Variants in PCDH15 observed in about 807,000 individuals in gnomAD.
The protein encoded by PCDH15 is protocadherin related 15, also known as protocadherin-15.
A neutral mutation model predicts 178.5 loss-of-function variants in PCDH15; 129 were observed. The ratio of observed to expected loss-of-function variants is 0.72; its 90% CI spans 0.63 to 0.84. The LOEUF (loss-of-function observed/expected upper bound fraction) is 0.84. PCDH15 is among the 40% of genes least tolerant of loss of function. PCDH15 has a pLI of 0.00. For synonymous variants in PCDH15, 800 were observed against 732.0 expected (o/e 1.09, Z -1.50); for missense variants, 2,230 against 2,099.9 (o/e 1.06, Z -1.21).
At chr10:54,412,592 T>C (rs1358916750) in intron 3 of PCDH15, among the ~76,000 whole-genome samples, 1 of 152,176 alleles carries the variant, frequency 6.6e-6, no homozygotes, top group East Asian at 1.9e-4. Context: ...TAACTTCTAT[T>C]GTCCTCAAAC....
chr10:55,350,902 T>C (rs1844910685), intron 2 of PCDH15, among the ~76,000 whole-genome samples: 1 of 152,128 alleles, frequency 6.6e-6, no homozygotes, highest in African/African-American at 2.4e-5. Context: ...TCATAACATA[T>C]CTGATTTAAT....
rs187701560 is a variant in PCDH15, at chr10:55,462,902, T to G, written c.-156+164723A>C. On this transcript the variant is annotated intron_variant, in intron 2 of 5. Transcript: ENST00000613346. ...ATTTTCCCCCAGTAGAAGCTTGTTT[T>G]TAATAAAGAAGAATTTTGAAGTGGC... Among the ~76,000 whole-genome samples the G allele has an allele frequency of 7.9e-5, 12 of 152,190 alleles. No individual in the cohort carries two copies. In the East Asian group the frequency reaches 2.3e-3, roughly 29 times the overall value.
chr10:55,434,035 A>G lies in PCDH15; in HGVS notation c.-156+193590T>C, dbSNP rs73259669. Among the ~76,000 whole-genome samples the G allele has an allele frequency of 9.6e-4, 145 of 151,284 alleles. 1 individual carries two copies. The highest frequency in any genetic ancestry group is 3.3e-3 in the African/African-American group (135 of 41,258). ...ATTATTTACTGAAGTTTGATAAATC[A>G]TAACATAAGGAAAACAAATTCTCCG... is the stretch of plus-strand genomic sequence containing the variant. On this transcript the variant is annotated intron_variant, in intron 2 of 5. Coordinates refer to the PCDH15 transcript ENST00000613346.
intron 2 of PCDH15, among the ~76,000 whole-genome samples, chr10:55,038,150 A>G (rs1427230329): frequency 6.6e-6 from 1 of 152,218 alleles, no homozygotes; most frequent in Non-Finnish European, 1.5e-5. Context: ...CAACACATAT[A>G]TGTACCATAT....
At chr10:54,566,070 G>A (rs928609036) in intron 2 of PCDH15, among the ~76,000 whole-genome samples, 1 of 152,110 alleles carries the variant, frequency 6.6e-6, no homozygotes, top group Non-Finnish European at 1.5e-5. Context: ...GGCAACAAGA[G>A]TGAAATTTCA....
At position 55,067,575 on chromosome 10, in the gene PCDH15, T is replaced by C. The variant is rs149491616; in HGVS notation, c.-80+99001A>G. On this transcript the variant is annotated intron_variant, in intron 2 of 5. Coordinates refer to the PCDH15 transcript ENST00000458638. ...GGTTTCTCTTTGGTATATTGATTTA[T>C]TTTTCTTTGAATAAATACCCAAATA... Among the ~76,000 whole-genome samples, 9 of 152,100 alleles carry C rather than the reference T, an allele frequency of 5.9e-5. No individual in the cohort carries two copies. In the East Asian group the frequency reaches 1.5e-3, roughly 26 times the overall value.
At chr10:55,251,244 G>A (rs541726940) in intron 1 of PCDH15, among the ~76,000 whole-genome samples, 1 of 151,824 alleles carries the variant, frequency 6.6e-6, no homozygotes, top group Non-Finnish European at 1.5e-5. Context: ...TATCATATAT[G>A]TAGATACATG....
intron 8 of PCDH15, among the ~76,000 whole-genome samples, chr10:54,253,267 C>G (rs149604594): frequency 6.6e-6 from 1 of 151,826 alleles, no homozygotes; most frequent in South Asian, 2.1e-4. Context: ...TCAATATAGG[C>G]GAGAATATTA....
intron 2 of PCDH15, among the ~76,000 whole-genome samples, chr10:54,972,363 A>C (rs889819157): frequency 6.6e-6 from 1 of 151,606 alleles, no homozygotes; most frequent in Admixed American, 6.6e-5. Context: ...AACAGGGTGA[A>C]ACCCCATCTC....
At chr10:54,508,396 A>T (rs2081352826) in intron 3 of PCDH15, among the ~76,000 whole-genome samples, 1 of 152,060 alleles carries the variant, frequency 6.6e-6, no homozygotes, top group Non-Finnish European at 1.5e-5. Flanking sequence ...TCTACTACAG[A>T]TGCTCTTTGA....
intron 2 of PCDH15, among the ~76,000 whole-genome samples, chr10:54,549,005 A>G (rs1035038096): frequency 6.6e-6 from 1 of 151,726 alleles, no homozygotes; most frequent in African/African-American, 2.4e-5. Flanking sequence ...ATTTCATATC[A>G]TCTTTATCTA....
chr10:54,332,297 C>CTATATTAT lies in PCDH15; in HGVS notation c.595-2592_595-2591insATAATATA, dbSNP rs1564989104. Among the ~76,000 whole-genome samples the CTATATTAT allele has an allele frequency of 9.2e-3, 392 of 42,390 alleles. 2 individuals are homozygous for CTATATTAT. Among genetic ancestry groups the CTATATTAT allele is most frequent in the African/African-American group, 0.03 (334 of 11,124 alleles). 27.8% of individuals were successfully genotyped at this position (42,390 alleles called of 152,430 possible). On this transcript the variant is annotated intron_variant, in intron 6 of 37. Coordinates refer to ENST00000644397, the MANE Select transcript of PCDH15 (RefSeq NM_001384140.1). ...ATATAATATAATATAATCTATATTA[C>CTATATTAT]ATATTATTATATATAATATAATATA... is the stretch of plus-strand genomic sequence containing the variant.
intron 2 of PCDH15, among the ~76,000 whole-genome samples, chr10:54,549,227 A>G (rs997371172): frequency 6.6e-6 from 1 of 151,434 alleles, no homozygotes; most frequent in African/African-American, 2.4e-5. Context: ...CTTTACACAC[A>G]CACACACACA....
intron 2 of PCDH15, among the ~76,000 whole-genome samples, chr10:55,120,572 C>T (rs1023586948): frequency 3.9e-5 from 6 of 152,066 alleles, no homozygotes; most frequent in African/African-American, 1.4e-4. Context: ...TGAACATTGA[C>T]ATATGAGGAA....
intron 25 of PCDH15, among the ~76,000 whole-genome samples, chr10:53,937,417 C>T (rs2085673491): frequency 6.6e-6 from 1 of 152,192 alleles, no homozygotes; most frequent in Non-Finnish European, 1.5e-5. Context: ...CTTTCCACTC[C>T]TCATTTATCC....
rs753288072 is a variant in PCDH15 at position 54,282,238 on chromosome 10, G to A, written c.876+35033C>T. On this transcript the variant is annotated intron_variant, in intron 8 of 37. Coordinates refer to ENST00000644397, the MANE Select transcript of PCDH15 (RefSeq NM_001384140.1). ...CAGGTCTACCGAATCAGAAACACTA[G>A]GGATAAGCCCCAACAATCACTGTTT... Among the ~76,000 whole-genome samples, 62 of 152,036 alleles carry A rather than the reference G, an allele frequency of 4.1e-4. 1 individual carries two copies. The highest frequency in any genetic ancestry group is 7.5e-4 in the Non-Finnish European group (51 of 67,998).
At chr10:54,063,151 G>A (rs990892264) in intron 18 of PCDH15, among the ~76,000 whole-genome samples, 2 of 152,246 alleles carry the variant, frequency 1.3e-5, no homozygotes, top group African/African-American at 4.8e-5. Context: ...CAATATATCA[G>A]GAGTAATTTT....
intron 35 of PCDH15, among the ~76,000 whole-genome samples, chr10:53,813,579 T>C (rs2075955403): frequency 6.6e-6 from 1 of 152,206 alleles, no homozygotes; most frequent in African/African-American, 2.4e-5. Context: ...ATATAACCAT[T>C]TCTTCTTTCA....
intron 17 of PCDH15, among the ~76,000 whole-genome samples, chr10:54,068,147 C>A (rs934061780): frequency 3.3e-5 from 5 of 151,830 alleles, no homozygotes; most frequent in African/African-American, 9.7e-5. Flanking sequence ...GGTGATCTGC[C>A]CTTATTTTAA....
Sources: gnomAD v4.1 joint callset for allele counts (sites outside exome capture counted in the v4.1 genomes callset) on GRCh38, gnomAD v4.1.1 for gene constraint, MANE v1.5 for transcripts, NCBI Gene and HGNC (gene_info 2026-07-23, HGNC 2026-07-21) for gene names.